The following ALG8 variants were observed in gnomAD, a reference collection of about 807,000 sequenced individuals.
ALG8 encodes the protein dolichyl pyrophosphate Glc1Man9GlcNAc2 alpha-1,3-glucosyltransferase.
A neutral mutation model predicts 70.2 loss-of-function variants in ALG8; 48 were observed. The observed-to-expected ratio is 0.68, with a 90% confidence interval of 0.54 to 0.87. ALG8 has a LOEUF of 0.87. Ranked by LOEUF, ALG8 falls within the 40% of genes least tolerant of loss-of-function variation. ALG8 has a pLI of 0.00. For missense variants in ALG8, 572 were observed against 608.7 expected (o/e 0.94, Z 0.64); for synonymous variants, 234 against 229.0 (o/e 1.02, Z -0.20).
intron 1 of ALG8, among the ~76,000 whole-genome samples, chr11:78,131,325 G>A (rs964384660): frequency 1.3e-5 from 2 of 152,068 alleles, no homozygotes; most frequent in African/African-American, 4.8e-5. Flanking sequence ...ACAATCAGCC[G>A]AGCACAATGG....
Position 78,109,546 on chromosome 11 carries a change from G to A in ALG8, c.934C>T (p.Pro312Ser), listed in dbSNP as rs1478792655. ...KLKFLDPNNIPKASMTSGLVQ... is the reference protein window; with the variant it reads ...KLKFLDPNNISKASMTSGLVQ... Reference sequence around the variant, plus strand: ...AAACCACTTGTCATTGAGGCCTTGGGAATATTGTTGGGATCAAGAAATTTC... The same window carrying A: ...AAACCACTTGTCATTGAGGCCTTGGAAATATTGTTGGGATCAAGAAATTTC... Residue 312 changes from proline to serine, a missense_variant, in exon 9 of 13, where the codon CCC (proline) becomes TCC (serine). Coordinates refer to ENST00000299626, the MANE Select transcript of ALG8 (RefSeq NM_024079.5). 6.2e-7 allele frequency: 1 copy of A among 1,614,086 alleles called. No homozygotes were observed. The highest frequency in any genetic ancestry group is 8.5e-7 in the Non-Finnish European group (1 of 1,179,964).
chr11:78,119,279 G>T (rs751649169), intron 4 of ALG8, 30 bp from the exon 5 acceptor site: 2 of 1,510,528 alleles, frequency 1.3e-6, no homozygotes, highest in Non-Finnish European at 1.8e-6. Context: ...AGACAACAGA[G>T]GACACCAAAT....
intron 1 of ALG8, among the ~76,000 whole-genome samples, chr11:78,133,126 C>A (rs917781067): frequency 6.6e-6 from 1 of 152,180 alleles, no homozygotes; most frequent in Admixed American, 6.5e-5. Flanking sequence ...TGAGCCACCA[C>A]ACCCAGCCTC....
Position 78,112,652 on chromosome 11 carries a change from A to G in ALG8, c.896T>C (p.Ile299Thr), listed in dbSNP as rs61995922. The change falls in exon 8 of 13, where the codon ATC (isoleucine) becomes ACC (threonine). Residue 299 changes from isoleucine to threonine, a missense_variant and splice_region_variant. Transcript: ENST00000299626. Reference protein sequence around the residue: ...YNALDKVLSVIGLKLKFLDPN... With the variant: ...YNALDKVLSVTGLKLKFLDPN... ...GTAAAAAATGCTCGCTACCATACCGATGACAGACAGCACTTTGTCCAAAGC... is the reference window on the plus strand; with the variant it reads ...GTAAAAAATGCTCGCTACCATACCGGTGACAGACAGCACTTTGTCCAAAGC... The G allele has an allele frequency of 1.1e-3, 1,825 of 1,613,828 alleles. 17 individuals carry two copies. The African/African-American group carries it at 0.021, about 18-fold the overall frequency.
rs527761420 is a variant in ALG8 at position 78,120,847 on chromosome 11, G to C, written c.478+218C>G. Among the ~76,000 whole-genome samples, 3 of 152,160 alleles carry C rather than the reference G, an allele frequency of 2.0e-5. No individual in the cohort carries two copies. The South Asian group carries it at 6.2e-4, about 32-fold the overall frequency. ...CATTGTTTTATTGATGATTTAGCTG[G>C]TTCTCACATATCCCACTAATTTTTC... On this transcript the variant is annotated intron_variant, in intron 4 of 12. Coordinates refer to ENST00000299626, the MANE Select transcript of ALG8 (RefSeq NM_024079.5).
chr11:78,122,167 A>T (rs1860848782), intron 3 of ALG8, among the ~76,000 whole-genome samples: 1 of 152,172 alleles, frequency 6.6e-6, no homozygotes, highest in African/African-American at 2.4e-5. Context: ...AATAAATCTA[A>T]AACAAATAAT....
intron 7 of ALG8, among the ~76,000 whole-genome samples, chr11:78,113,385 A>C (rs1860392557): frequency 6.6e-6 from 1 of 152,202 alleles, no homozygotes; most frequent in East Asian, 1.9e-4. Context: ...ATATATATAC[A>C]TATTTGAATG....
At chr11:78,111,817 T>C (rs1860303956) in intron 8 of ALG8, among the ~76,000 whole-genome samples, 1 of 152,208 alleles carries the variant, frequency 6.6e-6, no homozygotes, top group Non-Finnish European at 1.5e-5. Context: ...TAGAACCATC[T>C]CAAACCATAA....
intron 3 of ALG8, among the ~76,000 whole-genome samples, chr11:78,122,406 A>C (rs1001639357): frequency 6.7e-6 from 1 of 149,946 alleles, no homozygotes; most frequent in African/African-American, 2.5e-5. Context: ...GCAGTGGCGT[A>C]ATCACAGCTC....
At chr11:78,127,712 C>CTTTTTTTTT (rs1192507872) in intron 1 of ALG8, among the ~76,000 whole-genome samples, 7 of 132,904 alleles carry the variant, frequency 5.3e-5, no homozygotes, top group East Asian at 2.2e-4. Flanking sequence ...TTTTTCTTTT[C>CTTTTTTTTT]TTTTTTTTTT....
chr11:78,103,949 TA>T, intron 12 of ALG8, 30 bp downstream of exon 12: 2 of 1,215,188 alleles, frequency 1.6e-6, no homozygotes, highest in Non-Finnish European at 2.4e-6. Flanking sequence ...TTCACAAGAG[TA>T]AGTATAATTT....
intron 1 of ALG8, among the ~76,000 whole-genome samples, chr11:78,130,506 T>C (rs1731298712): frequency 6.6e-6 from 1 of 152,168 alleles, no homozygotes; most frequent in Admixed American, 6.6e-5. Flanking sequence ...GAGCTGTACA[T>C]TTATGATTTG....
chr11:78,139,501 G>T lies in ALG8; in HGVS notation c.88C>A (p.Pro30Thr). ...GCCGTGCGAGTCCCTTACTATGTGG[G>T]GATGAGAAGGCATTTGAGAAGAGTC... ...GVTLLKCLLI[P>T]TYHSTDFEVH... Residue 30 changes from proline to threonine, a missense_variant, in exon 1 of 13, where the codon CCC becomes ACC. Transcript: ENST00000299626. 6.4e-7 allele frequency: 1 copy of T among 1,558,718 alleles called. No homozygotes were observed. The highest frequency in any genetic ancestry group is 8.7e-7 in the Non-Finnish European group (1 of 1,150,706).
At chr11:78,105,365 C>T (rs945506530) in intron 10 of ALG8, among the ~76,000 whole-genome samples, 2 of 152,142 alleles carry the variant, frequency 1.3e-5, no homozygotes, top group African/African-American at 4.8e-5. Context: ...TGGACACTTA[C>T]ATTTAAAATG....
chr11:78,126,351 G>C (rs2511163), intron 2 of ALG8, among the ~76,000 whole-genome samples: 18 of 151,348 alleles, frequency 1.2e-4, no homozygotes, highest in Admixed American at 5.3e-4. Flanking sequence ...GCCAACATGG[G>C]GAAACCCCCT....
chr11:78,107,221 AT>A (rs1182041455), intron 9 of ALG8, among the ~76,000 whole-genome samples: 6 of 102,964 alleles, frequency 5.8e-5, no homozygotes, highest in African/African-American at 1.3e-4. Flanking sequence ...ATATATATAT[AT>A]AATTTTTTGT....
intron 10 of ALG8, 44 bp downstream of exon 10, chr11:78,106,763 T>C: frequency 6.2e-7 from 1 of 1,612,268 alleles, no homozygotes; most frequent in South Asian, 1.1e-5. Flanking sequence ...ATAGGATCAT[T>C]GTGAAATATG....
chr11:78,138,586 CAAT>C, intron 1 of ALG8: 1 of 393,186 alleles, frequency 2.5e-6, no homozygotes, highest in Non-Finnish European at 5.0e-6. Context: ...CAAAGGATAC[CAAT>C]AAAACAAACC....
intron 5 of ALG8, among the ~76,000 whole-genome samples, chr11:78,116,578 G>A (rs921944799): frequency 6.6e-6 from 1 of 152,032 alleles, no homozygotes. Flanking sequence ...AATTAGCCGG[G>A]AGTGGTGGTG....
Sources: allele counts gnomAD v4.1 joint callset (sites outside exome capture counted in the v4.1 genomes callset), GRCh38; gene constraint gnomAD v4.1.1; transcripts MANE v1.5; gene names NCBI Gene and HGNC (gene_info 2026-07-23, HGNC 2026-07-21).